RUNX1: variants seen among roughly 807,000 people sequenced by gnomAD.
RUNX1 encodes RUNX family transcription factor 1.
In RUNX1, 19 loss-of-function variants were observed where a neutral mutation model predicts 42.8. That is an observed-to-expected ratio of 0.44 (90% CI 0.31 to 0.65). The LOEUF (loss-of-function observed/expected upper bound fraction) is 0.65, where lower values mean the gene tolerates loss of function less well. Among genes scored for constraint, RUNX1 ranks in the 30% least tolerant of loss-of-function variants. The probability of loss-of-function intolerance (pLI) is 0.07; values close to 1 mark genes in which losing one functional copy is unlikely to be tolerated. For missense variants in RUNX1, 528 were observed against 672.0 expected (o/e 0.79, Z 2.37); for synonymous variants, 271 against 289.4 (o/e 0.94, Z 0.64).
chr21:34,851,535 G>C (rs1429249309), intron 6 of RUNX1, among the ~76,000 whole-genome samples: 1 of 152,176 alleles, frequency 6.6e-6, no homozygotes, highest in Non-Finnish European at 1.5e-5. Context: ...TCAGGATCCA[G>C]AAAACTTTTT....
intron 4 of RUNX1, among the ~76,000 whole-genome samples, chr21:34,881,834 C>T (rs2057909920): frequency 6.6e-6 from 1 of 152,160 alleles, no homozygotes; most frequent in Admixed American, 6.5e-5. Context: ...CTTCTAGAAA[C>T]TATTTTCTTG....
rs181586420 is a variant in RUNX1, at chr21:34,842,363, C to T, written c.614-7762G>A. ...TAAAAAAATTAGCCAAGCATGGTGG[C>T]GCGCACCTGTAGTCCCAGCTACTTG... On this transcript the variant is annotated intron_variant, in intron 6 of 8. Transcript: ENST00000675419. Among the ~76,000 whole-genome samples the T allele has an allele frequency of 5.8e-3, 874 of 151,674 alleles. 3 individuals carry two copies. The highest frequency in any genetic ancestry group is 0.01 in the Non-Finnish European group (710 of 67,906).
intron 2 of RUNX1, among the ~76,000 whole-genome samples, chr21:34,900,310 T>C (rs1235347295): frequency 6.6e-6 from 1 of 152,204 alleles, no homozygotes; most frequent in Non-Finnish European, 1.5e-5. Context: ...CAATACTCAT[T>C]TGTGGCTAGT....
At chr21:34,824,881 T>C (rs1456346496) in intron 7 of RUNX1, among the ~76,000 whole-genome samples, 1 of 152,214 alleles carries the variant, frequency 6.6e-6, no homozygotes. Flanking sequence ...ACCAACTCAG[T>C]CTGGAGAACT....
At chr21:35,035,791 G>A (rs1194466215) in intron 2 of RUNX1, among the ~76,000 whole-genome samples, 2 of 152,226 alleles carry the variant, frequency 1.3e-5, no homozygotes, top group Non-Finnish European at 2.9e-5. Context: ...GTGGGGCACA[G>A]GTGGGGGCTG....
chr21:35,043,768 GC>G (rs1304588367), intron 2 of RUNX1, among the ~76,000 whole-genome samples: 2 of 152,128 alleles, frequency 1.3e-5, no homozygotes, highest in Non-Finnish European at 2.9e-5. Context: ...TCCTGTGTGG[GC>G]CTCCTCTGCT....
chr21:34,946,999 C>A (rs764567515), intron 2 of RUNX1, among the ~76,000 whole-genome samples: 2 of 152,124 alleles, frequency 1.3e-5, no homozygotes, highest in African/African-American at 4.8e-5. Context: ...TTACAGACCA[C>A]CTCAAAGGCC....
chr21:34,794,176 T>C (rs1569004412), intron 8 of RUNX1, among the ~76,000 whole-genome samples: 1 of 152,072 alleles, frequency 6.6e-6, no homozygotes, highest in Non-Finnish European at 1.5e-5. Flanking sequence ...CAATATGTTA[T>C]ACATAATATA....
chr21:34,880,629 T>C lies in RUNX1; in HGVS notation c.436A>G (p.Asn146Asp). ...NDENYSAELR[N>D]ATAAMKNQVA... The stretch of plus-strand genomic sequence containing the variant: ...TGGTTCTTCATGGCTGCGGTAGCAT[T>C]TCTCAGCTCAGCCGAGTAGTTTTCA... The change falls in exon 5 of 9, where the codon AAT becomes GAT. Residue 146 changes from asparagine to aspartate, a missense_variant. Around this residue, in one of 3 missense-constraint regions of RUNX1, gnomAD observed 83 missense variants for 174.5 expected, o/e 0.48. Coordinates refer to ENST00000675419, the MANE Select transcript of RUNX1 (RefSeq NM_001754.5). 1 of 1,614,154 alleles carries C rather than the reference T, an allele frequency of 6.2e-7. No individual in the cohort carries two copies. Among genetic ancestry groups the C allele is most frequent in the Non-Finnish European group, 8.5e-7 (1 of 1,180,006 alleles).
At chr21:34,909,334 A>G (rs1436632692) in intron 2 of RUNX1, among the ~76,000 whole-genome samples, 1 of 152,170 alleles carries the variant, frequency 6.6e-6, no homozygotes, top group Non-Finnish European at 1.5e-5. Flanking sequence ...TATCACTTAT[A>G]TCTTTTAAAT....
At chr21:34,985,072 T>C (rs1171209827) in intron 2 of RUNX1, among the ~76,000 whole-genome samples, 1 of 152,218 alleles carries the variant, frequency 6.6e-6, no homozygotes, top group Non-Finnish European at 1.5e-5. Context: ...AAAGTAGTTA[T>C]GTGATTCCAA....
intron 2 of RUNX1, among the ~76,000 whole-genome samples, chr21:34,928,314 A>G (rs903332245): frequency 1.3e-5 from 2 of 152,174 alleles, no homozygotes. Flanking sequence ...AGCTGAATGA[A>G]TACTGAATGG....
At chr21:34,861,187 G>A (rs1292728615) in intron 5 of RUNX1, among the ~76,000 whole-genome samples, 1 of 152,176 alleles carries the variant, frequency 6.6e-6, no homozygotes, top group African/African-American at 2.4e-5. Flanking sequence ...TTAGGACATC[G>A]TTCAGATGTT....
At chr21:35,047,561 A>ACACACTCTCTCTCT (rs1428982623) in intron 2 of RUNX1, among the ~76,000 whole-genome samples, 1 of 46,760 alleles carries the variant, frequency 2.1e-5, no homozygotes, top group African/African-American at 8.6e-5. Context: ...ACACACACAC[A>ACACACTCTCTCTCT]CTCTCTCTCT....
chr21:34,971,793 A>G (rs2058765626), intron 2 of RUNX1, among the ~76,000 whole-genome samples: 1 of 152,176 alleles, frequency 6.6e-6, no homozygotes, highest in Admixed American at 6.5e-5. Context: ...ATGAATTGCA[A>G]CAATCAAACC....
chr21:35,040,601 G>A lies in RUNX1; in HGVS notation c.58+8241C>T, dbSNP rs913148916. ...ATCCTGGCCAACATGGTGAAAACCT[G>A]TCTCTACTAAAAATACAAAAATTAG... On this transcript the variant is annotated intron_variant, in intron 2 of 8. Coordinates refer to ENST00000675419, the MANE Select transcript of RUNX1 (RefSeq NM_001754.5). Among the ~76,000 whole-genome samples, 10 of 151,676 alleles carry A rather than the reference G, an allele frequency of 6.6e-5. No homozygotes were observed. The East Asian group carries it at 1.9e-3, about 29-fold the overall frequency.
At chr21:34,876,423 C>T (rs567667277) in intron 5 of RUNX1, among the ~76,000 whole-genome samples, 12 of 152,336 alleles carry the variant, frequency 7.9e-5, no homozygotes, top group East Asian at 1.9e-4. Context: ...TAGGGCTAAG[C>T]TGGCCCTCCA....
At chr21:34,945,983 G>A (rs2058560655) in intron 2 of RUNX1, among the ~76,000 whole-genome samples, 1 of 152,160 alleles carries the variant, frequency 6.6e-6, no homozygotes, top group Non-Finnish European at 1.5e-5. Context: ...TCTCTTCCTG[G>A]TTTTCCAGGT....
chr21:35,002,382 TTTTATTTATTTATTTATTTATTTA>T (rs149613285), intron 2 of RUNX1, among the ~76,000 whole-genome samples: 1 of 141,030 alleles, frequency 7.1e-6, no homozygotes, highest in Non-Finnish European at 1.5e-5. Context: ...ACACAGCACA[TTTTATTTATTTATTTATTTATTTA>T]TTTATTTATT....
Sources: gnomAD v4.1 joint callset for allele counts (sites outside exome capture counted in the v4.1 genomes callset) on GRCh38, gnomAD v4.1.1 for gene constraint, gnomAD v4.1.1 regional missense constraint, MANE v1.5 for transcripts, NCBI Gene and HGNC (gene_info 2026-07-23, HGNC 2026-07-21) for gene names.